The following SPAG16 variants were observed in gnomAD, a reference collection of about 807,000 sequenced individuals.
SPAG16 encodes the protein sperm associated antigen 16.
In SPAG16, 86 loss-of-function variants were observed where a neutral mutation model predicts 80.4. The observed-to-expected ratio is 1.07, with a 90% CI of 0.90 to 1.28. SPAG16 has a LOEUF of 1.28. Ranked by LOEUF, SPAG16 falls within the 50% of genes most tolerant of loss-of-function variation. SPAG16 has a pLI of 0.00. For synonymous variants in SPAG16, 294 were observed against 265.9 expected, an observed-to-expected ratio of 1.11 and a Z score of -1.03; for missense variants, 870 against 765.3, an observed-to-expected ratio of 1.14 and a Z score of -1.61.
intron 13 of SPAG16, among the ~76,000 whole-genome samples, chr2:214,057,178 CTT>C (rs36181178): frequency 0.16 from 23,038 of 144,462 alleles, 1,837 homozygotes; most frequent in African/African-American, 0.19. Flanking sequence ...TTTCAGTTTA[CTT>C]TTTTTTTTTT....
intron 12 of SPAG16, among the ~76,000 whole-genome samples, chr2:213,932,271 C>T (rs1025254663): frequency 1.3e-5 from 2 of 150,012 alleles, no homozygotes; most frequent in Admixed American, 1.3e-4. Flanking sequence ...AGTGCAGTGG[C>T]ACAATCTCAG....
intron 10 of SPAG16, among the ~76,000 whole-genome samples, chr2:213,696,084 G>T (rs141141930): frequency 6.6e-6 from 1 of 152,010 alleles, no homozygotes; most frequent in Non-Finnish European, 1.5e-5. Context: ...ATATCTAGAG[G>T]GTAAAGCCAA....
chr2:213,365,682 T>G (rs2066240918), intron 8 of SPAG16, among the ~76,000 whole-genome samples: 1 of 151,844 alleles, frequency 6.6e-6, no homozygotes, highest in African/African-American at 2.4e-5. Flanking sequence ...GGTCTTGAAC[T>G]CCTGTCTTGA....
chr2:214,138,668 A>G (rs1363693641), intron 14 of SPAG16, among the ~76,000 whole-genome samples: 1 of 152,122 alleles, frequency 6.6e-6, no homozygotes, highest in African/African-American at 2.4e-5. Context: ...TCTTACTCTT[A>G]TTAGTTTCTT....
intron 11 of SPAG16, among the ~76,000 whole-genome samples, chr2:213,875,180 C>T (rs1171748747): frequency 6.6e-6 from 1 of 151,688 alleles, no homozygotes; most frequent in South Asian, 2.1e-4. Flanking sequence ...CTCATGGGAT[C>T]CTCCCACTTT....
At chr2:213,880,423 A>G (rs773031254) in intron 11 of SPAG16, among the ~76,000 whole-genome samples, 2 of 152,162 alleles carry the variant, frequency 1.3e-5, no homozygotes, top group Non-Finnish European at 2.9e-5. Context: ...CCATTTCTGC[A>G]GATTGCCTGT....
intron 15 of SPAG16, among the ~76,000 whole-genome samples, chr2:214,274,205 G>T (rs1282219251): frequency 6.6e-6 from 1 of 151,574 alleles, no homozygotes; most frequent in East Asian, 1.9e-4. Flanking sequence ...CGCTGAGACA[G>T]TGAGCTTTCT....
chr2:213,966,407 G>A (rs146377245), intron 12 of SPAG16, among the ~76,000 whole-genome samples: 24 of 152,136 alleles, frequency 1.6e-4, no homozygotes, highest in Middle Eastern at 3.4e-3. Flanking sequence ...CTCATAAAAC[G>A]TTAATGTAAT....
intron 12 of SPAG16, among the ~76,000 whole-genome samples, chr2:213,980,712 G>GTGTGTATATATATATATATATATATA (rs1469351640): frequency 4.4e-5 from 5 of 114,002 alleles, no homozygotes; most frequent in African/African-American, 1.9e-4. Flanking sequence ...GTGTGTGTGT[G>GTGTGTATATATATATATATATATATA]TATATATATA....
chr2:213,837,933 G>T (rs1308615751), intron 10 of SPAG16, among the ~76,000 whole-genome samples: 2 of 152,158 alleles, frequency 1.3e-5, no homozygotes, highest in African/African-American at 4.8e-5. Flanking sequence ...CATGAGCCAA[G>T]AAATGTAGTT....
chr2:213,604,780 T>G (rs901315409), intron 10 of SPAG16, among the ~76,000 whole-genome samples: 3 of 152,056 alleles, frequency 2.0e-5, no homozygotes, highest in Admixed American at 6.5e-5. Context: ...TCTTTAACTC[T>G]TCTTCATTTG....
intron 13 of SPAG16, among the ~76,000 whole-genome samples, chr2:214,062,993 C>T (rs1397436040): frequency 1.3e-5 from 2 of 152,058 alleles, no homozygotes; most frequent in African/African-American, 4.8e-5. Flanking sequence ...AATTTAATAA[C>T]ATTATATTTA....
At chr2:214,198,217 A>G (rs950287306) in intron 15 of SPAG16, among the ~76,000 whole-genome samples, 1 of 151,988 alleles carries the variant, frequency 6.6e-6, no homozygotes, top group East Asian at 1.9e-4. Context: ...CCTGGACCCT[A>G]TATGTAGTCT....
intron 15 of SPAG16, among the ~76,000 whole-genome samples, chr2:214,327,387 T>G (rs1696570368): frequency 6.6e-6 from 1 of 152,214 alleles, no homozygotes; most frequent in Admixed American, 6.5e-5. Flanking sequence ...TCTCTGTGCC[T>G]CAGTTTCCCA....
intron 11 of SPAG16, among the ~76,000 whole-genome samples, chr2:213,913,601 GT>G (rs2077792697): frequency 1.3e-4 from 1 of 7,410 alleles, no homozygotes; most frequent in East Asian, 0.013. Flanking sequence ...ATATGTATAT[GT>G]ACATGTACAT....
intron 10 of SPAG16, among the ~76,000 whole-genome samples, chr2:213,633,989 T>A (rs2062259475): frequency 6.6e-6 from 1 of 152,158 alleles, no homozygotes; most frequent in African/African-American, 2.4e-5. Flanking sequence ...CCAGTCTATG[T>A]CTTTTCATTG....
At chr2:214,188,820 C>T (rs2125690949) in intron 15 of SPAG16, among the ~76,000 whole-genome samples, 1 of 152,246 alleles carries the variant, frequency 6.6e-6, no homozygotes, top group East Asian at 1.9e-4. Flanking sequence ...TATTTTTTAA[C>T]TCATCCTTTA....
intron 5 of SPAG16, among the ~76,000 whole-genome samples, chr2:213,330,395 T>C (rs777966815): frequency 6.6e-6 from 1 of 152,200 alleles, no homozygotes; most frequent in African/African-American, 2.4e-5. Context: ...GACCTGGATG[T>C]GAGACATGGA....
At chr2:214,257,062 G>A (rs1690743068) in intron 15 of SPAG16, among the ~76,000 whole-genome samples, 2 of 151,782 alleles carry the variant, frequency 1.3e-5, no homozygotes, top group South Asian at 2.1e-4. Context: ...CTTATTTAGT[G>A]TTCTTTAATT....
Sources: gnomAD v4.1 joint callset for allele counts (sites outside exome capture counted in the v4.1 genomes callset) on GRCh38, gnomAD v4.1.1 for gene constraint, MANE v1.5 for transcripts, NCBI Gene and HGNC (gene_info 2026-07-23, HGNC 2026-07-21) for gene names.